The following TNR variants were observed in gnomAD, a reference collection of about 807,000 sequenced individuals.
TNR encodes the protein tenascin-R.
Under a neutral mutation model 150.4 loss-of-function variants are expected in TNR, and 45 were observed. The observed-to-expected ratio is 0.30, with a 90% CI of 0.24 to 0.38. The LOEUF (loss-of-function observed/expected upper bound fraction) is 0.38, where lower values mean the gene tolerates loss of function less well. Ranked by LOEUF, TNR falls within the 10% of genes least tolerant of loss-of-function variation. The pLI is 1.00. For missense variants in TNR, 1,544 were observed against 1,759.1 expected, an observed-to-expected ratio of 0.88 and a Z score of 2.19; for synonymous variants, 687 against 678.4, an observed-to-expected ratio of 1.01 and a Z score of -0.20.
intron 1 of TNR, among the ~76,000 whole-genome samples, chr1:175,676,135 T>C (rs1665859367): frequency 6.6e-6 from 1 of 152,152 alleles, no homozygotes; most frequent in African/African-American, 2.4e-5. Context: ...TGATCTTTAA[T>C]GGCAGGTGAT....
intron 9 of TNR, among the ~76,000 whole-genome samples, chr1:175,376,910 CTG>C (rs1652419434): frequency 1.4e-5 from 2 of 147,750 alleles, no homozygotes; most frequent in Admixed American, 1.4e-4. Context: ...TTAAATCTGA[CTG>C]TAACAAAAAA....
chr1:175,631,236 T>C (rs1344969815), intron 1 of TNR, among the ~76,000 whole-genome samples: 1 of 152,254 alleles, frequency 6.6e-6, no homozygotes, highest in Non-Finnish European at 1.5e-5. Flanking sequence ...GGAATATTTC[T>C]TCTGGCCTTA....
chr1:175,724,690 A>G (rs943189233), intron 1 of TNR, among the ~76,000 whole-genome samples: 3 of 152,174 alleles, frequency 2.0e-5, no homozygotes, highest in Non-Finnish European at 2.9e-5. Flanking sequence ...CATGTTTTAC[A>G]TTTCACAATT....
chr1:175,418,395 G>T (rs1055832120), intron 2 of TNR, among the ~76,000 whole-genome samples: 2 of 152,186 alleles, frequency 1.3e-5, no homozygotes, highest in Non-Finnish European at 2.9e-5. Flanking sequence ...GGGTCTTGAA[G>T]AATGAGAAAG....
intron 16 of TNR, 23 bp downstream of exon 16, chr1:175,356,296 T>G: frequency 6.2e-7 from 1 of 1,613,500 alleles, no homozygotes; most frequent in Admixed American, 1.7e-5. Context: ...GGGATACGGG[T>G]ATGTAGGTGA....
intron 2 of TNR, among the ~76,000 whole-genome samples, chr1:175,410,394 A>C (rs1351594962): frequency 6.6e-6 from 1 of 152,204 alleles, no homozygotes; most frequent in Non-Finnish European, 1.5e-5. Context: ...TCTCATTTTC[A>C]TGGAGGAGAT....
At chr1:175,369,053 C>T (rs1010031230) in intron 9 of TNR, among the ~76,000 whole-genome samples, 28 of 152,156 alleles carry the variant, frequency 1.8e-4, no homozygotes, top group African/African-American at 5.8e-4. Flanking sequence ...TGAGTCCTTC[C>T]GGTAGGCTCT....
At chr1:175,514,349 T>C (rs541497894) in intron 2 of TNR, among the ~76,000 whole-genome samples, 14 of 152,206 alleles carry the variant, frequency 9.2e-5, no homozygotes, top group Non-Finnish European at 1.9e-4. Flanking sequence ...CAAGAAAACA[T>C]GTTCTCCCCG....
In TNR at chr1:175,599,665, T is replaced by C. The variant is rs957878346; in HGVS notation, c.-164-71296A>G. ...CTGGCTAACTCCAGAGGCCGGCGGC[T>C]CCTTGCGGTGGGGAGAGGAGGACAG... On this transcript the variant is annotated intron_variant, in intron 1 of 22. Transcript: ENST00000367674. The surrounding 1 kb of genome is among the most constrained non-coding windows in gnomAD (Gnocchi z 4.7). 1.6e-4 allele frequency among the ~76,000 whole-genome samples: 24 copies of C among 152,138 alleles called. No individual in the cohort carries two copies. The highest frequency in any genetic ancestry group is 3.2e-4 in the Non-Finnish European group (22 of 68,014).
intron 1 of TNR, among the ~76,000 whole-genome samples, chr1:175,546,969 C>T (rs1383550992): frequency 6.6e-6 from 1 of 152,156 alleles, no homozygotes; most frequent in Non-Finnish European, 1.5e-5. Context: ...TGCAAAGTGC[C>T]AGTCACTTTC....
intron 1 of TNR, among the ~76,000 whole-genome samples, chr1:175,732,859 T>A (rs886829329): frequency 9.9e-5 from 15 of 152,254 alleles, no homozygotes; most frequent in African/African-American, 3.6e-4. Context: ...TTTCTATACA[T>A]GAAGTACTTA....
Position 175,363,824 on chromosome 1 carries a change from A to T in TNR, c.2591T>A (p.Ile864Asn). Reference protein sequence around the residue: ...EPIVGSITTGIDPPKDITISN... With the variant: ...EPIVGSITTGNDPPKDITISN... ...AATTGTGATGTCTTTTGGGGGATCA[A>T]TTCCTACAAGGACCCAGTGATTGTG... The change falls in exon 13 of 23, where the codon ATT becomes AAT. Residue 864 changes from isoleucine (I) to asparagine (N), a missense_variant. Coordinates refer to ENST00000367674, the MANE Select transcript of TNR (RefSeq NM_003285.3). 6.2e-7 allele frequency: 1 copy of T among 1,611,288 alleles called. No individual in the cohort carries two copies. The highest frequency in any genetic ancestry group is 8.5e-7 in the Non-Finnish European group (1 of 1,178,534).
At chr1:175,576,117 T>C (rs1395079554) in intron 1 of TNR, among the ~76,000 whole-genome samples, 1 of 152,154 alleles carries the variant, frequency 6.6e-6, no homozygotes, top group Non-Finnish European at 1.5e-5. Context: ...TTTCCTTTAT[T>C]CCCCAGCACT....
chr1:175,438,860 C>A (rs1443306053), intron 2 of TNR, among the ~76,000 whole-genome samples: 1 of 152,022 alleles, frequency 6.6e-6, no homozygotes, highest in Non-Finnish European at 1.5e-5. Flanking sequence ...AACCACTGCT[C>A]AATGAAATAA....
intron 19 of TNR, 142 bp from the exon 20 acceptor site, chr1:175,335,949 C>T (rs1650227008): frequency 1.4e-6 from 1 of 715,426 alleles, no homozygotes; most frequent in South Asian, 1.9e-5. Flanking sequence ...AAAGAAGGAA[C>T]ATTTCAGAGC....
At chr1:175,458,721 AAC>A (rs906855494) in intron 2 of TNR, among the ~76,000 whole-genome samples, 1 of 152,234 alleles carries the variant, frequency 6.6e-6, no homozygotes, top group Non-Finnish European at 1.5e-5. Context: ...AATTCAGATA[AAC>A]AGTTTTACAG....
In TNR at chr1:175,696,221, T is replaced by TGTTTTG. The variant is rs768291344; in HGVS notation, c.-165+47004_-165+47005insCAAAAC. Among the ~76,000 whole-genome samples, 458 of 129,652 alleles carry TGTTTTG rather than the reference T, an allele frequency of 3.5e-3. 25 individuals are homozygous for TGTTTTG. Among genetic ancestry groups the TGTTTTG allele is most frequent in the Non-Finnish European group, 3.7e-3 (230 of 62,506 alleles). 85.1% of individuals were successfully genotyped at this position (129,652 alleles called of 152,430 possible). A position where few individuals can be genotyped will look rare whatever the true frequency, so the allele number is the denominator to read the frequency against. ...CATTAAATGAGCCTTCCTGTAGTTT[T>TGTTTTG]TTTTTTTTTTTTTTTTTTTTTTTCC... is the stretch of plus-strand genomic sequence containing the variant. On this transcript the variant is annotated intron_variant, in intron 1 of 22. Coordinates refer to ENST00000367674, the MANE Select transcript of TNR (RefSeq NM_003285.3).
Position 175,562,601 on chromosome 1 carries a change from T to A in TNR, c.-164-34232A>T, listed in dbSNP as rs117087151. Among the ~76,000 whole-genome samples, 44 of 152,360 alleles carry A rather than the reference T, an allele frequency of 2.9e-4. 1 individual carries two copies. In the East Asian group the frequency reaches 7.9e-3, roughly 27 times the overall value. ...AACACACACCATACCCAAGGAATTC[T>A]TGCAGAAATGCAAGTCTTGGGTGGA... On this transcript the variant is annotated intron_variant, in intron 1 of 22. Transcript: ENST00000367674.
chr1:175,696,864 A>C (rs1666544354), intron 1 of TNR, among the ~76,000 whole-genome samples: 1 of 146,060 alleles, frequency 6.8e-6, no homozygotes, highest in Non-Finnish European at 1.5e-5. Flanking sequence ...GGGCAACAAG[A>C]GCGAAACTCC....
Sources: allele counts gnomAD v4.1 joint callset (sites outside exome capture counted in the v4.1 genomes callset), GRCh38; gene constraint gnomAD v4.1.1; non-coding constraint Gnocchi (gnomAD v3.1); transcripts MANE v1.5; gene names NCBI Gene and HGNC (gene_info 2026-07-23, HGNC 2026-07-21).